The following ANKRD42 variants were observed in gnomAD, a reference collection of about 807,000 sequenced individuals.
ANKRD42 encodes ankyrin repeat domain-containing protein 42.
In ANKRD42, 43 loss-of-function variants were observed where a neutral mutation model predicts 51.5. The observed-to-expected ratio is 0.83, with a 90% CI of 0.65 to 1.08. The LOEUF (loss-of-function observed/expected upper bound fraction) is 1.08. Ranked by LOEUF, ANKRD42 falls within the 50% of genes least tolerant of loss-of-function variation. ANKRD42 has a pLI of 0.00. For synonymous variants in ANKRD42, 203 were observed against 213.0 expected, an observed-to-expected ratio of 0.95 and a Z score of 0.41; for missense variants, 608 against 629.3, an observed-to-expected ratio of 0.97 and a Z score of 0.36.
At chr11:83,195,467 C>A (rs966845848) in intron 1 of ANKRD42, among the ~76,000 whole-genome samples, 1 of 152,146 alleles carries the variant, frequency 6.6e-6, no homozygotes, top group Admixed American at 6.5e-5. Context: ...AACACTGAGA[C>A]CTGAATTCCG....
chr11:83,253,123 G>C (rs1190439900), downstream of ANKRD42, among the ~76,000 whole-genome samples: 1 of 152,160 alleles, frequency 6.6e-6, no homozygotes, highest in Non-Finnish European at 1.5e-5. Context: ...ACTTTGATGT[G>C]GTCTCTGCTG....
chr11:83,252,810 A>G (rs952286292), downstream of ANKRD42, among the ~76,000 whole-genome samples: 5 of 151,696 alleles, frequency 3.3e-5, no homozygotes, highest in Admixed American at 2.0e-4. Context: ...TATTGTACTT[A>G]AAACATTAAA....
At chr11:83,245,446 C>T in intron 9 of ANKRD42, 52 bp from the exon 10 acceptor site, 1 of 1,516,668 alleles carries the variant, frequency 6.6e-7, no homozygotes, top group African/African-American at 1.4e-5. Flanking sequence ...ACCCAGTGGA[C>T]ACATGAGCTG....
At chr11:83,251,717 A>C (rs1863678570), downstream of ANKRD42, among the ~76,000 whole-genome samples, 1 of 152,212 alleles carries the variant, frequency 6.6e-6, no homozygotes, top group Non-Finnish European at 1.5e-5. Context: ...TTAGTAAATT[A>C]ATTTAGTAAA....
rs942731027 is a variant in ANKRD42 at position 83,200,661 on chromosome 11, C to G, written c.222+2019C>G. Among the ~76,000 whole-genome samples the G allele has an allele frequency of 2.0e-5, 3 of 152,308 alleles. No individual in the cohort carries two copies. In the South Asian group the frequency reaches 6.2e-4, roughly 32 times the overall value. ...TCTTTGTCTCCTGAATTTGTCCTCT[C>G]CATCCCCATAACCATGTTCTTAGAT... On this transcript the variant is annotated intron_variant, in intron 2 of 10. Coordinates refer to ENST00000533342, the MANE Select transcript of ANKRD42 (RefSeq NM_001300975.2).
intron 8 of ANKRD42, 123 bp from the exon 9 acceptor site, chr11:83,240,636 C>A: frequency 9.5e-7 from 1 of 1,054,692 alleles, no homozygotes; most frequent in Non-Finnish European, 1.4e-6. Flanking sequence ...GATTTTGGCT[C>A]CTTGGCTGGT....
chr11:83,198,526 G>A lies in ANKRD42; in HGVS notation c.106G>A (p.Ala36Thr). Residue 36 changes from alanine (A) to threonine (T), a missense_variant, in exon 2 of 11, where the codon GCT becomes ACT. Coordinates refer to ENST00000533342, the MANE Select transcript of ANKRD42 (RefSeq NM_001300975.2). ...HFGSIHDAVR[A>T]GDVKQLSEIV... ...TGGCAGCATACATGATGCAGTACGA[G>A]CTGGAGATGTAAAGCAGCTTTCAGA... is the stretch of plus-strand genomic sequence containing the variant. The A allele has an allele frequency of 1.9e-6, 3 of 1,613,950 alleles. No individual in the cohort carries two copies. The highest frequency in any genetic ancestry group is 2.5e-6 in the Non-Finnish European group (3 of 1,179,894).
intron 5 of ANKRD42, among the ~76,000 whole-genome samples, chr11:83,223,872 T>C (rs1394549659): frequency 6.6e-6 from 1 of 152,212 alleles, no homozygotes; most frequent in Non-Finnish European, 1.5e-5. Flanking sequence ...CAAGCGGTCA[T>C]TTCTTAAGTG....
downstream of ANKRD42, among the ~76,000 whole-genome samples, chr11:83,253,044 A>G (rs1308033032): frequency 1.3e-5 from 2 of 152,168 alleles, no homozygotes; most frequent in African/African-American, 2.4e-5. Context: ...AACCGGTAAT[A>G]TTCCATGGTT....
At chr11:83,223,310 C>T (rs1029013956) in intron 5 of ANKRD42, among the ~76,000 whole-genome samples, 6 of 152,008 alleles carry the variant, frequency 3.9e-5, no homozygotes, top group Admixed American at 1.3e-4. Flanking sequence ...GTTGAGGGTG[C>T]GGTAGTGGCA....
At chr11:83,255,992 A>G in exon 12 of ANKRD42, 1 of 1,271,748 alleles carries the variant, frequency 7.9e-7, no homozygotes, top group Non-Finnish European at 1.1e-6. Flanking sequence ...AAAAATTGAT[A>G]TAAATGTGAG....
At chr11:83,229,768 G>A (rs1056997614) in intron 7 of ANKRD42, among the ~76,000 whole-genome samples, 1 of 152,172 alleles carries the variant, frequency 6.6e-6, no homozygotes, top group African/African-American at 2.4e-5. Flanking sequence ...GCTAGGAGTG[G>A]ATCAGATGGT....
Position 83,211,442 on chromosome 11 carries a change from A to G in ANKRD42, c.586+12A>G, listed in dbSNP as rs1396094085. On this transcript the variant is annotated intron_variant, in intron 5 of 10. Transcript: ENST00000533342. ...TGGAAACCTTCCAGGTATTTTAAAT[A>G]AAGCAAATATTTTAGTTTTTCATTG... The G allele has an allele frequency of 6.2e-7, 1 of 1,611,828 alleles. No homozygotes were observed. The highest frequency in any genetic ancestry group is 8.5e-7 in the Non-Finnish European group (1 of 1,179,110).
At chr11:83,252,064 C>T (rs542736791), downstream of ANKRD42, among the ~76,000 whole-genome samples, 32 of 152,238 alleles carry the variant, frequency 2.1e-4, no homozygotes, top group African/African-American at 6.7e-4. Flanking sequence ...TATAAATCAA[C>T]GTGAAAAAGA....
chr11:83,254,435 C>CTTTT (rs1296141872), intron 11 of ANKRD42, among the ~76,000 whole-genome samples: 1 of 136,300 alleles, frequency 7.3e-6, no homozygotes. Context: ...TTTTTCTTTT[C>CTTTT]TTTTTTTTTT....
rs1343962274 is a variant in ANKRD42 at position 83,194,368 on chromosome 11, G to A, written c.-303G>A. Reference sequence around the variant, plus strand: ...AGGGAGTGTCGAAGGCGGCCACAGCGTTGGTAGTTCTTGGGAGGAAGTAAG... The same window carrying A: ...AGGGAGTGTCGAAGGCGGCCACAGCATTGGTAGTTCTTGGGAGGAAGTAAG... On this transcript the variant is annotated 5_prime_UTR_variant, in exon 1 of 11. Coordinates refer to ENST00000533342, the MANE Select transcript of ANKRD42 (RefSeq NM_001300975.2). 4.9e-6 allele frequency: 3 copies of A among 612,920 alleles called. No individual in the cohort carries two copies. The highest frequency in any genetic ancestry group is 9.1e-6 in the Non-Finnish European group (3 of 328,370). The allele number at this position is 612,920 out of a possible 1,614,324, so 38.0% of individuals were successfully genotyped here.
chr11:83,208,216 A>G (rs556383626), intron 3 of ANKRD42, among the ~76,000 whole-genome samples: 2,524 of 150,286 alleles, frequency 0.017, 83 homozygotes, highest in African/African-American at 0.059. Context: ...TGTCTGTGGG[A>G]GGGGGGGGTC....
intron 2 of ANKRD42, among the ~76,000 whole-genome samples, chr11:83,202,167 A>G (rs770669122): frequency 2.0e-5 from 3 of 152,084 alleles, no homozygotes; most frequent in African/African-American, 4.8e-5. Flanking sequence ...ATTAATTTTT[A>G]TATAAGGCTT....
downstream of ANKRD42, among the ~76,000 whole-genome samples, chr11:83,252,183 T>C (rs1317578090): frequency 6.6e-6 from 1 of 152,108 alleles, no homozygotes; most frequent in East Asian, 1.9e-4. Context: ...TTATCAGAAA[T>C]GTAAATTAAA....
Sources: allele counts gnomAD v4.1 joint callset (sites outside exome capture counted in the v4.1 genomes callset), GRCh38; gene constraint gnomAD v4.1.1; transcripts MANE v1.5; gene names NCBI Gene and HGNC (gene_info 2026-07-23, HGNC 2026-07-21).